HEATR5B: variants seen among roughly 807,000 people sequenced by gnomAD.
HEATR5B encodes the protein HEAT repeat-containing protein 5B.
HEATR5B carries 156 observed loss-of-function variants against 224.1 expected under a neutral mutation model. That is an observed-to-expected ratio of 0.70 (90% CI 0.61 to 0.80). HEATR5B has a LOEUF of 0.80. Ranked by LOEUF, HEATR5B falls within the 30% of genes least tolerant of loss-of-function variation. HEATR5B has a pLI of 0.00. For missense variants in HEATR5B, 2,323 were observed against 2,535.5 expected (o/e 0.92, Z 1.80); for synonymous variants, 1,027 against 893.0 (o/e 1.15, Z -2.68).
At chr2:37,050,891 A>T (rs1055501250) in intron 17 of HEATR5B, among the ~76,000 whole-genome samples, 1 of 151,908 alleles carries the variant, frequency 6.6e-6, no homozygotes, top group African/African-American at 2.4e-5. Context: ...TACAAAAAAA[A>T]TTAGCTGGGT....
chr2:37,025,850 C>A (rs1352476286), intron 24 of HEATR5B, among the ~76,000 whole-genome samples: 1 of 152,156 alleles, frequency 6.6e-6, no homozygotes, highest in Non-Finnish European at 1.5e-5. Flanking sequence ...TCCTCTGATT[C>A]TTTTTATTTA....
Position 37,041,213 on chromosome 2 carries a change from T to C in HEATR5B, c.2776A>G (p.Ile926Val). ...LGCLHRYVGG[I>V]GSGQHLKTSV... is the part of the protein sequence containing the mutation. ...GTCTTCAGATGTTGTCCTGAGCCTA[T>C]TCCACCAACATAACGATGCAAACAA... The change falls in exon 19 of 36, where the codon ATA becomes GTA. Residue 926 changes from isoleucine to valine, a missense_variant. This residue lies in a region of HEATR5B where 11 missense variants were observed against 45.1 expected (regional missense o/e 0.24). Transcript: ENST00000233099. The C allele has an allele frequency of 6.2e-7, 1 of 1,614,150 alleles. No individual in the cohort carries two copies. The highest frequency in any genetic ancestry group is 8.5e-7 in the Non-Finnish European group (1 of 1,179,996).
intron 35 of HEATR5B, among the ~76,000 whole-genome samples, chr2:36,985,621 CTTTTT>C (rs558499229): frequency 2.1e-4 from 19 of 92,296 alleles, no homozygotes; most frequent in East Asian, 4.6e-4. Flanking sequence ...CCACTCCTGG[CTTTTT>C]TTTTTTTTTT....
intron 10 of HEATR5B, among the ~76,000 whole-genome samples, chr2:37,063,580 G>A (rs930732075): frequency 2.0e-5 from 3 of 152,104 alleles, no homozygotes; most frequent in Admixed American, 6.6e-5. Flanking sequence ...AGGAAGCAAC[G>A]ATATGACAAA....
chr2:37,083,215 T>C (rs1360376261), intron 2 of HEATR5B, 74 bp downstream of exon 2: 25 of 1,535,746 alleles, frequency 1.6e-5, no homozygotes, highest in Non-Finnish European at 2.3e-5. Flanking sequence ...AAACATAACA[T>C]GTGTTTTCTT....
At chr2:37,054,480 A>AT (rs11433192) in intron 16 of HEATR5B, among the ~76,000 whole-genome samples, 6,560 of 75,206 alleles carry the variant, frequency 0.087, 894 homozygotes, top group African/African-American at 0.26. Context: ...TGTGCTCTGC[A>AT]TTTTTTTTTT....
intron 27 of HEATR5B, among the ~76,000 whole-genome samples, chr2:37,010,127 G>C (rs977533198): frequency 2.2e-4 from 33 of 151,914 alleles, no homozygotes; most frequent in Admixed American, 1.9e-3. Flanking sequence ...CCTTTGTTTT[G>C]TAATACATTT....
chr2:36,982,343 G>A lies in HEATR5B; in HGVS notation c.5912-549C>T, dbSNP rs553398114. 5.6e-5 allele frequency among the ~76,000 whole-genome samples: 8 copies of A among 143,580 alleles called. No homozygotes were observed. The South Asian group carries it at 7.5e-4, about 13-fold the overall frequency. The allele number at this position is 143,580 out of a possible 152,430, so 94.2% of individuals were successfully genotyped here. A position where few individuals can be genotyped will look rare whatever the true frequency, so the allele number is the denominator to read the frequency against. On this transcript the variant is annotated intron_variant, in intron 35 of 35. Transcript: ENST00000233099. Reference sequence around the variant, plus strand: ...GTTAAAAAAACAAGAACCTATGTCCGACTGATATAAATTCCAAGTCCTTAA... The same window carrying A: ...GTTAAAAAAACAAGAACCTATGTCCAACTGATATAAATTCCAAGTCCTTAA...
At chr2:36,997,012 C>A (rs1239435990) in intron 33 of HEATR5B, among the ~76,000 whole-genome samples, 2 of 152,086 alleles carry the variant, frequency 1.3e-5, no homozygotes, top group African/African-American at 4.8e-5. Flanking sequence ...TAAGCCACTG[C>A]GTTTGGCCTC....
rs1390527791 is a variant in HEATR5B, at chr2:37,034,409, C to T, written c.3217-1636G>A. 3.5e-5 allele frequency among the ~76,000 whole-genome samples: 5 copies of T among 140,874 alleles called. No individual in the cohort carries two copies. In the East Asian group the frequency reaches 8.7e-4, roughly 25 times the overall value. 92.4% of individuals were successfully genotyped at this position (140,874 alleles called of 152,430 possible). On this transcript the variant is annotated intron_variant, in intron 21 of 35. Coordinates refer to ENST00000233099, the MANE Select transcript of HEATR5B (RefSeq NM_019024.3). Reference sequence around the variant, plus strand: ...CGGGCGGATCACGAGGTCAGGAGATCGAGACCATCCCGGCTAAAACGGTGA... The same window carrying T: ...CGGGCGGATCACGAGGTCAGGAGATTGAGACCATCCCGGCTAAAACGGTGA...
At chr2:37,051,606 C>T (rs1329560814) in intron 17 of HEATR5B, among the ~76,000 whole-genome samples, 1 of 152,154 alleles carries the variant, frequency 6.6e-6, no homozygotes, top group Non-Finnish European at 1.5e-5. Context: ...GTTCACTACT[C>T]TCCCAATCAC....
At chr2:37,010,754 T>C in intron 27 of HEATR5B, among the ~76,000 whole-genome samples, 1 of 152,072 alleles carries the variant, frequency 6.6e-6, no homozygotes, top group South Asian at 2.1e-4. Context: ...CCGCAGGTGA[T>C]CCATCCTTCT....
intron 21 of HEATR5B, among the ~76,000 whole-genome samples, chr2:37,035,132 G>C (rs79427186): frequency 0.034 from 5,169 of 152,254 alleles, 123 homozygotes; most frequent in Non-Finnish European, 0.052. Flanking sequence ...TTGTAGCTAA[G>C]AAAATACATT....
intron 34 of HEATR5B, among the ~76,000 whole-genome samples, 182 bp downstream of exon 34, chr2:36,990,466 G>A (rs1203306575): frequency 1.3e-5 from 2 of 152,288 alleles, no homozygotes; most frequent in Non-Finnish European, 2.9e-5. Context: ...CTACATATGT[G>A]AATAAACATA....
chr2:37,022,310 C>T (rs1306530064), intron 24 of HEATR5B, among the ~76,000 whole-genome samples: 1 of 152,110 alleles, frequency 6.6e-6, no homozygotes, highest in Non-Finnish European at 1.5e-5. Context: ...TCCCAAGGAG[C>T]TGGGATTACA....
intron 5 of HEATR5B, among the ~76,000 whole-genome samples, chr2:37,073,660 C>T (rs545841286): frequency 6.6e-6 from 1 of 152,156 alleles, no homozygotes; most frequent in African/African-American, 2.4e-5. Flanking sequence ...TATGAAAGAC[C>T]AAAATAAATG....
intron 35 of HEATR5B, among the ~76,000 whole-genome samples, chr2:36,983,373 CAAAA>C (rs57119983): frequency 1.5e-4 from 21 of 139,772 alleles, no homozygotes; most frequent in East Asian, 2.1e-4. Context: ...ACTAAAAATA[CAAAA>C]AAAAAAAAAA....
chr2:37,014,030 G>A lies in HEATR5B; in HGVS notation c.4105-10C>T. ...TCCATGTACTACATACCTAGACAAA[G>A]AGAATTCAAAAACTTTTGTGTAAAA... On this transcript the variant is annotated splice_polypyrimidine_tract_variant and intron_variant, in intron 26 of 35. Transcript: ENST00000233099. 6.7e-7 allele frequency: 1 copy of A among 1,482,120 alleles called. No homozygotes were observed. The highest frequency in any genetic ancestry group is 1.4e-5 in the South Asian group (1 of 72,594). The allele number at this position is 1,482,120 out of a possible 1,614,324, so 91.8% of individuals were successfully genotyped here.
chr2:37,060,043 C>T (rs1005587760), intron 12 of HEATR5B, among the ~76,000 whole-genome samples: 3 of 152,102 alleles, frequency 2.0e-5, no homozygotes, highest in African/African-American at 7.2e-5. Context: ...AGTTATCAAA[C>T]GAAACAAAAC....
Sources: allele counts gnomAD v4.1 joint callset (sites outside exome capture counted in the v4.1 genomes callset), GRCh38; gene constraint gnomAD v4.1.1; regional missense constraint gnomAD v4.1.1; transcripts MANE v1.5; gene names NCBI Gene and HGNC (gene_info 2026-07-23, HGNC 2026-07-21).